Variants in CFAP46 observed in about 807,000 individuals in gnomAD.
CFAP46 encodes the protein cilia- and flagella-associated protein 46.
A neutral mutation model predicts 325.7 loss-of-function variants in CFAP46; 245 were observed. The ratio of observed to expected loss-of-function variants is 0.75; its 90% confidence interval spans 0.68 to 0.84. The LOEUF (loss-of-function observed/expected upper bound fraction) is 0.84, where lower values mean the gene tolerates loss of function less well. Among genes scored for constraint, CFAP46 ranks in the 40% least tolerant of loss-of-function variants. CFAP46 has a pLI of 0.00. For missense variants in CFAP46, 3,346 were observed against 3,543.0 expected, an observed-to-expected ratio of 0.94 and a Z score of 1.41; for synonymous variants, 1,523 against 1,495.9, an observed-to-expected ratio of 1.02 and a Z score of -0.42.
Position 132,869,158 on chromosome 10 carries a change from C to T in CFAP46, c.4610+116G>A. On this transcript the variant is annotated intron_variant, in intron 33 of 57. Transcript: ENST00000368586. This position sits in a 1 kb window ranked among gnomAD's most constrained non-coding sequence, Gnocchi z 6.2. ...CACAGCCGTGTCCCCCAAGTGCTCA[C>T]TCTCCCCAGAGGGGCAGGAGTCCAG... is the stretch of plus-strand genomic sequence containing the variant. 1 of 791,174 alleles carries T rather than the reference C, an allele frequency of 1.3e-6. No individual in the cohort carries two copies. The highest frequency in any genetic ancestry group is 1.9e-6 in the Non-Finnish European group (1 of 539,696). 49.0% of individuals were successfully genotyped at this position (791,174 alleles called of 1,614,324 possible). A position where few individuals can be genotyped will look rare whatever the true frequency, so the allele number is the denominator to read the frequency against.
At chr10:132,875,690 C>A (rs896616050) in intron 31 of CFAP46, among the ~76,000 whole-genome samples, 1 of 152,186 alleles carries the variant, frequency 6.6e-6, no homozygotes, top group African/African-American at 2.4e-5. Flanking sequence ...TGAGGCTTGA[C>A]CCCTACCTCA....
In CFAP46 at chr10:132,889,210, G is replaced by A. The variant is rs1849222106; in HGVS notation, c.3304+3123C>T. Among the ~76,000 whole-genome samples the A allele has an allele frequency of 6.6e-6, 1 of 152,072 alleles. No homozygotes were observed. The highest frequency in any genetic ancestry group is 1.5e-5 in the Non-Finnish European group (1 of 68,012). ...ATGCTATCAGCAGGACCCGCCTCTGGTGCCAGCACCTGGACCACCGAGGCT... is the reference window on the plus strand; with the variant it reads ...ATGCTATCAGCAGGACCCGCCTCTGATGCCAGCACCTGGACCACCGAGGCT... On this transcript the variant is annotated intron_variant, in intron 25 of 57. Coordinates refer to ENST00000368586, the MANE Select transcript of CFAP46 (RefSeq NM_001200049.3). This position sits in a 1 kb window ranked among gnomAD's most constrained non-coding sequence, Gnocchi z 6.0.
intron 17 of CFAP46, among the ~76,000 whole-genome samples, chr10:132,914,109 CAGCCACA>C (rs1849605154): frequency 2.6e-5 from 2 of 77,066 alleles, no homozygotes; most frequent in South Asian, 6.2e-4. Context: ...AGGCTGTGTC[CAGCCACA>C]CTGCACCCCG....
chr10:132,858,584 A>T (rs1848680950), intron 38 of CFAP46, among the ~76,000 whole-genome samples: 1 of 151,910 alleles, frequency 6.6e-6, no homozygotes, highest in South Asian at 2.1e-4. Flanking sequence ...AGCCCCTGAG[A>T]TGCCGTCTGC....
In CFAP46 at chr10:132,937,683, A is replaced by G; in HGVS notation, c.537-8T>C. ...TAACACTCCAGAAGTTCCCTGGATA[A>G]TAGAAACACACCACTGGTCAACCTG... is the stretch of plus-strand genomic sequence containing the variant. On this transcript the variant is annotated splice_region_variant and splice_polypyrimidine_tract_variant and intron_variant, in intron 5 of 57. Transcript: ENST00000368586. 3 of 1,598,350 alleles carry G rather than the reference A, an allele frequency of 1.9e-6. 1 individual carries two copies. In the South Asian group the frequency reaches 3.4e-5, roughly 18 times the overall value.
Position 132,873,827 on chromosome 10 carries a change from A to G in CFAP46, c.4363-1003T>C, listed in dbSNP as rs556692894. On this transcript the variant is annotated intron_variant, in intron 31 of 57. Transcript: ENST00000368586. ...GGTGACAGGGCTCTACAGGTCCCAC[A>G]GGCATTAAAAGGTAATACAAGGACA... Among the ~76,000 whole-genome samples, 6 of 152,150 alleles carry G rather than the reference A, an allele frequency of 3.9e-5. No individual in the cohort carries two copies. The South Asian group carries it at 1.0e-3, about 26-fold the overall frequency.
rs767471466 is a variant in CFAP46, at chr10:132,872,732, C to T, written c.4455G>A (p.Val1485=). The change falls in exon 32 of 58, where the codon GTG becomes GTA. Residue 1485 remains valine, a synonymous_variant. Coordinates refer to ENST00000368586, the MANE Select transcript of CFAP46 (RefSeq NM_001200049.3). ...ELTVPVLQLG[V]LISDSVVGSK... ...TTCCCACCACGGAGTCCGAAATCAG[C>T]ACCCCCAACTGCAGGACGGGAACCG... is the stretch of plus-strand genomic sequence containing the variant. 183 of 1,550,700 alleles carry T rather than the reference C, an allele frequency of 1.2e-4. No homozygotes were observed. The highest frequency in any genetic ancestry group is 1.5e-4 in the Non-Finnish European group (173 of 1,147,062).
chr10:132,859,320 G>T, intron 37 of CFAP46, 73 bp from the exon 38 acceptor site: 6 of 1,344,350 alleles, frequency 4.5e-6, no homozygotes, highest in Non-Finnish European at 5.0e-6. Flanking sequence ...CTGGGCTGCC[G>T]CTGTTCTCCC....
At position 132,872,228 on chromosome 10, in the gene CFAP46, A is replaced by C. The variant is rs545415540; in HGVS notation, c.4511+448T>G. On this transcript the variant is annotated intron_variant, in intron 32 of 57. Coordinates refer to ENST00000368586, the MANE Select transcript of CFAP46 (RefSeq NM_001200049.3). ...GAATATTCTCCTAAGGATCAGGTAG[A>C]AATTTTAAAATAAAAATATCATATT... Among the ~76,000 whole-genome samples, 10 of 152,340 alleles carry C rather than the reference A, an allele frequency of 6.6e-5. No individual in the cohort carries two copies. The East Asian group carries it at 1.9e-3, about 29-fold the overall frequency.
chr10:132,863,903 C>A (rs563059640), intron 35 of CFAP46, among the ~76,000 whole-genome samples: 1 of 147,476 alleles, frequency 6.8e-6, no homozygotes, highest in Non-Finnish European at 1.5e-5. Context: ...ACACACCTGT[C>A]CCCAGTGCCT....
At chr10:132,932,085 A>ATCCTCCCCACACAGAGCCTGGGCCTTCC (rs1849917586) in intron 8 of CFAP46, among the ~76,000 whole-genome samples, 1 of 59,312 alleles carries the variant, frequency 1.7e-5, no homozygotes, top group South Asian at 5.7e-4. Context: ...CTGGACCTTC[A>ATCCTCCCCACACAGAGCCTGGGCCTTCC]TCCTCCCCAC....
chr10:132,808,412 G>C lies in CFAP46; in HGVS notation c.*9C>G, dbSNP rs1389230886. 5 of 1,596,474 alleles carry C rather than the reference G, an allele frequency of 3.1e-6. No homozygotes were observed. The East Asian group carries it at 6.8e-5, about 22-fold the overall frequency. On this transcript the variant is annotated 3_prime_UTR_variant, in exon 58 of 58. Transcript: ENST00000368586. The surrounding 1 kb of genome is among the most constrained non-coding windows in gnomAD (Gnocchi z 6.8). Reference sequence around the variant, plus strand: ...GAGACTGGCTTTTGTTGTTTGTTTAGTGGAACACTCAAATCAAAAACAGGC... The same window carrying C: ...GAGACTGGCTTTTGTTGTTTGTTTACTGGAACACTCAAATCAAAAACAGGC...
rs148446793 is a variant in CFAP46, at chr10:132,845,925, CG to C, written c.6438+131del. ...ACCCAGGTGCACATGGCTGGGGGCA[CG>C]GGGAGGGATGGCTCATGAGCTGGGG... On this transcript the variant is annotated intron_variant, in intron 44 of 57. Coordinates refer to ENST00000368586, the MANE Select transcript of CFAP46 (RefSeq NM_001200049.3). The C allele has an allele frequency of 1.3e-3, 1,335 of 1,017,262 alleles. 14 individuals are homozygous for C. In the African/African-American group the frequency reaches 0.019, roughly 14 times the overall value. 63.0% of individuals were successfully genotyped at this position (1,017,262 alleles called of 1,614,324 possible). A position where few individuals can be genotyped will look rare whatever the true frequency, so the allele number is the denominator to read the frequency against.
At chr10:132,846,556 G>C (rs779095035) in intron 43 of CFAP46, among the ~76,000 whole-genome samples, 1 of 151,688 alleles carries the variant, frequency 6.6e-6, no homozygotes. Context: ...CTGGGTCTCC[G>C]TGTCTGCCCG....
chr10:132,903,201 C>T (rs895518885), intron 22 of CFAP46, among the ~76,000 whole-genome samples: 3 of 152,150 alleles, frequency 2.0e-5, no homozygotes, highest in African/African-American at 7.2e-5. Context: ...GTGAGCTGGC[C>T]ACAGCTCCAA....
At chr10:132,910,361 A>G (rs11146584) in intron 19 of CFAP46, among the ~76,000 whole-genome samples, 17,505 of 152,264 alleles carry the variant, frequency 0.11, 2,777 homozygotes, top group African/African-American at 0.35. Flanking sequence ...CAGCTGAGCC[A>G]GCACCCCTCC....
At chr10:132,859,738 C>T in intron 37 of CFAP46, among the ~76,000 whole-genome samples, 1 of 152,224 alleles carries the variant, frequency 6.6e-6, no homozygotes, top group East Asian at 1.9e-4. Flanking sequence ...AAGCAGAACA[C>T]AAGGAAAGCC....
In CFAP46 at chr10:132,833,502, C is replaced by T. The variant is rs751989297; in HGVS notation, c.6973G>A (p.Asp2325Asn). The T allele has an allele frequency of 1.5e-5, 25 of 1,613,888 alleles. No individual in the cohort carries two copies. The highest frequency in any genetic ancestry group is 2.7e-5 in the African/African-American group (2 of 74,918). ...QHSTVQPEVA[D>N]KIVLVADRHL... ...CTGTCTGCGACCAGGACTATCTTAT[C>T]GGCAACCTCAGGCTGGACTGTGCCT... The change falls in exon 50 of 58, where the codon GAT (aspartate) becomes AAT (asparagine). Residue 2325 changes from aspartate to asparagine, a missense_variant. By Grantham distance (23) the Asp-to-Asn change is conservative (BLOSUM62 1). Transcript: ENST00000368586.
At chr10:132,823,156 T>G (rs1847923744) in intron 50 of CFAP46, among the ~76,000 whole-genome samples, 1 of 127,362 alleles carries the variant, frequency 7.9e-6, no homozygotes, top group Admixed American at 8.4e-5. Flanking sequence ...ATGTGTGCTG[T>G]GTGAGTGATG....
Sources: allele counts gnomAD v4.1 joint callset (sites outside exome capture counted in the v4.1 genomes callset), GRCh38; gene constraint gnomAD v4.1.1; non-coding constraint Gnocchi (gnomAD v3.1); transcripts MANE v1.5; gene names NCBI Gene and HGNC (gene_info 2026-07-23, HGNC 2026-07-21).